AKAP13: variants seen among roughly 807,000 people sequenced by gnomAD.
The protein encoded by AKAP13 is A-kinase anchoring protein 13, also known as A-kinase anchor protein 13.
In AKAP13, 80 loss-of-function variants were observed where a neutral mutation model predicts 264.5. That is an observed-to-expected ratio of 0.30 (90% CI 0.25 to 0.36). The LOEUF is 0.36. Among genes scored for constraint, AKAP13 ranks in the 10% least tolerant of loss-of-function variants. AKAP13 has a pLI of 1.00. For synonymous variants in AKAP13, 1,380 were observed against 1,250.2 expected (o/e 1.10, Z -2.19); for missense variants, 3,712 against 3,435.2 (o/e 1.08, Z -2.01).
At chr15:85,451,664 A>AT (rs999962991) in intron 1 of AKAP13, among the ~76,000 whole-genome samples, 4 of 151,228 alleles carry the variant, frequency 2.6e-5, no homozygotes, top group African/African-American at 7.3e-5. Flanking sequence ...ATTCTTGAAG[A>AT]TTTTTTTAAA....
rs181238428 is a variant in AKAP13, at chr15:85,717,120, T to G, written c.5736-170T>G. The G allele has an allele frequency of 1.1e-4, 57 of 527,832 alleles. No individual in the cohort carries two copies. In the Admixed American group the frequency reaches 2.1e-3, roughly 19 times the overall value. 32.7% of individuals were successfully genotyped at this position (527,832 alleles called of 1,614,324 possible). ...GTGATACTAAATGCTCCCGACTTTG[T>G]TACCAGGCCATGTGCATGTTGCTGT... On this transcript the variant is annotated intron_variant, in intron 20 of 36. Transcript: ENST00000394518.
chr15:85,543,747 C>G (rs553810742), intron 4 of AKAP13, 25 bp from the exon 5 acceptor site: 48 of 1,574,198 alleles, frequency 3.0e-5, no homozygotes, highest in Non-Finnish European at 4.0e-5. Context: ...TCCTCACTTA[C>G]GTTCATTTTC....
chr15:85,461,442 A>T (rs2074509228), intron 1 of AKAP13, among the ~76,000 whole-genome samples: 1 of 152,138 alleles, frequency 6.6e-6, no homozygotes, highest in Admixed American at 6.5e-5. Flanking sequence ...CTATCCTCAG[A>T]ACTTTGCACA....
At chr15:85,440,705 C>A (rs1219756795) in intron 1 of AKAP13, among the ~76,000 whole-genome samples, 2 of 152,168 alleles carry the variant, frequency 1.3e-5, no homozygotes, top group African/African-American at 4.8e-5. Context: ...TACACACTTT[C>A]CTTTTTGCTA....
intron 16 of AKAP13, 166 bp from the exon 17 acceptor site, chr15:85,693,111 C>T: frequency 7.9e-7 from 1 of 1,259,942 alleles, no homozygotes; most frequent in Non-Finnish European, 1.0e-6. Flanking sequence ...GTGCCAACGC[C>T]TTAATTTAAA....
At chr15:85,728,316 T>C (rs2087742379) in intron 29 of AKAP13, among the ~76,000 whole-genome samples, 1 of 152,216 alleles carries the variant, frequency 6.6e-6, no homozygotes, top group Non-Finnish European at 1.5e-5. Flanking sequence ...CTTAAAGCCA[T>C]ACAGATGATA....
chr15:85,485,826 C>G (rs1276138298), intron 2 of AKAP13, 73 bp downstream of exon 2: 3 of 1,429,158 alleles, frequency 2.1e-6, no homozygotes, highest in Non-Finnish European at 2.0e-6. Flanking sequence ...AAGCCACACT[C>G]TCACATGATA....
intron 16 of AKAP13, among the ~76,000 whole-genome samples, chr15:85,690,850 G>A (rs557932940): frequency 2.3e-4 from 35 of 152,312 alleles, no homozygotes; most frequent in Middle Eastern, 3.4e-3. Context: ...AGTTATTGGC[G>A]TGTGGCCTCA....
intron 25 of AKAP13, 75 bp downstream of exon 25, chr15:85,722,422 A>G (rs1259310862): frequency 2.5e-6 from 3 of 1,204,760 alleles, no homozygotes; most frequent in East Asian, 4.7e-5. Context: ...TGGAAGCCCC[A>G]TGGAAGTGCT....
intron 1 of AKAP13, among the ~76,000 whole-genome samples, chr15:85,456,796 C>G (rs1025522176): frequency 6.6e-6 from 1 of 152,156 alleles, no homozygotes; most frequent in African/African-American, 2.4e-5. Context: ...TTCCTTATAG[C>G]TCATGTTGAC....
rs1567122205 is a variant in AKAP13, at chr15:85,555,365, A to T, written c.662+11410A>T. 6 of 1,187,632 alleles carry T rather than the reference A, an allele frequency of 5.1e-6. No homozygotes were observed. In the South Asian group the frequency reaches 6.3e-5, roughly 13 times the overall value. The allele number at this position is 1,187,632 out of a possible 1,614,324, so 73.6% of individuals were successfully genotyped here. ...TGCTGCAGTTCCTTGTCAGAAGTAA[A>T]CTTGGAGCGAAACACGCCTTTAGGA... is the stretch of plus-strand genomic sequence containing the variant. On this transcript the variant is annotated intron_variant, in intron 5 of 36. Coordinates refer to ENST00000394518, the MANE Select transcript of AKAP13 (RefSeq NM_007200.5).
chr15:85,497,188 C>T (rs1387264136), intron 2 of AKAP13, among the ~76,000 whole-genome samples: 1 of 152,160 alleles, frequency 6.6e-6, no homozygotes, highest in East Asian at 1.9e-4. Flanking sequence ...CACTCTGTAC[C>T]TTTAATTCAT....
At chr15:85,425,296 G>GTT (rs1243293035) in intron 1 of AKAP13, among the ~76,000 whole-genome samples, 1 of 152,084 alleles carries the variant, frequency 6.6e-6, no homozygotes, top group Non-Finnish European at 1.5e-5. Context: ...TTTTTGTTAT[G>GTT]TATAAAAAGC....
At position 85,579,873 on chromosome 15, in the gene AKAP13, A is replaced by T. The variant is rs1269425456; in HGVS notation, c.1805A>T (p.Glu602Val). Residue 602 changes from glutamate (E) to valine (V), a missense_variant, in exon 7 of 37, where the codon GAA (glutamate) becomes GTA (valine). Glu to Val is a moderately radical substitution (Grantham distance 121, BLOSUM62 -2). Around this residue, in one of 3 missense-constraint regions of AKAP13, gnomAD observed 2,759 missense variants for 2,411.7 expected, o/e 1.14. Transcript: ENST00000394518. ...AAKDKISDGL[E>V]PYTLLAAGIG... ...AAAGACAAGATTTCAGATGGATTAG[A>T]ACCTTATACTCTCTTAGCAGCAGGC... The T allele has an allele frequency of 4.3e-6, 7 of 1,614,196 alleles. No homozygotes were observed. Among genetic ancestry groups the T allele is most frequent in the Non-Finnish European group, 5.9e-6 (7 of 1,180,042 alleles).
intron 1 of AKAP13, among the ~76,000 whole-genome samples, chr15:85,443,658 G>A (rs915679458): frequency 1.3e-5 from 2 of 151,940 alleles, no homozygotes; most frequent in Non-Finnish European, 2.9e-5. Flanking sequence ...TTATGTGACC[G>A]ACTGCTGTCT....
chr15:85,514,052 T>G (rs2151131504), intron 2 of AKAP13, among the ~76,000 whole-genome samples: 1 of 138,318 alleles, frequency 7.2e-6, no homozygotes, highest in South Asian at 2.2e-4. Flanking sequence ...AAGCAGTCTT[T>G]GGGGAGACAC....
At chr15:85,440,272 T>C (rs7178054) in intron 1 of AKAP13, among the ~76,000 whole-genome samples, 11,644 of 152,308 alleles carry the variant, frequency 0.076, 671 homozygotes, top group East Asian at 0.31. Flanking sequence ...TTACTTGTTA[T>C]AGACTTGTTC....
At chr15:85,447,954 T>C (rs1238839112) in intron 1 of AKAP13, among the ~76,000 whole-genome samples, 1 of 152,220 alleles carries the variant, frequency 6.6e-6, no homozygotes, top group Non-Finnish European at 1.5e-5. Context: ...TATACTGCTT[T>C]CCACAATGGT....
rs562772755 is a variant in AKAP13 at position 85,458,986 on chromosome 15, C to T, written c.-11-26724C>T. Among the ~76,000 whole-genome samples the T allele has an allele frequency of 4.6e-5, 7 of 152,272 alleles. No homozygotes were observed. In the East Asian group the frequency reaches 1.3e-3, roughly 29 times the overall value. ...CATGTACTTGTCTAGACAGTTTCAA[C>T]TACCTTCATGTCATAAACTATATCA... On this transcript the variant is annotated intron_variant, in intron 1 of 36. Transcript: ENST00000394518.
Sources: gnomAD v4.1 joint callset for allele counts (sites outside exome capture counted in the v4.1 genomes callset) on GRCh38, gnomAD v4.1.1 for gene constraint, gnomAD v4.1.1 regional missense constraint, MANE v1.5 for transcripts, NCBI Gene and HGNC (gene_info 2026-07-23, HGNC 2026-07-21) for gene names.